The following PYY variants were observed in gnomAD, a reference collection of about 807,000 sequenced individuals.
PYY encodes peptide tyrosine tyrosine.
PYY carries 12 observed loss-of-function variants against 10.3 expected under a neutral mutation model. The observed-to-expected ratio is 1.17, with a 90% confidence interval of 0.75 to 1.89. PYY has a LOEUF of 1.89. PYY is among the 40% of genes most tolerant of loss of function. The pLI is 0.00. For missense variants in PYY, 141 were observed against 134.0 expected, an observed-to-expected ratio of 1.05 and a Z score of -0.26; for synonymous variants, 66 against 62.0, an observed-to-expected ratio of 1.06 and a Z score of -0.30.
intron 1 of PYY, among the ~76,000 whole-genome samples, chr17:43,990,941 C>A (rs969816734): frequency 2.0e-5 from 3 of 151,714 alleles, no homozygotes; most frequent in African/African-American, 7.2e-5. Flanking sequence ...ACTACAGGCG[C>A]CCGCCACCAC....
chr17:43,982,651 G>A (rs2048891114), intron 1 of PYY, among the ~76,000 whole-genome samples: 1 of 152,206 alleles, frequency 6.6e-6, no homozygotes, highest in East Asian at 1.9e-4. Context: ...GTCGTGACTG[G>A]ACAGAACCCA....
At chr17:43,986,208 G>A (rs1296716063) in intron 1 of PYY, among the ~76,000 whole-genome samples, 39 of 152,108 alleles carry the variant, frequency 2.6e-4, no homozygotes, top group Admixed American at 2.4e-3. Flanking sequence ...GCAGTGAGCC[G>A]AGATCATGCC....
At chr17:44,004,015 A>G (rs2049051372) in intron 1 of PYY, among the ~76,000 whole-genome samples, 1 of 151,988 alleles carries the variant, frequency 6.6e-6, no homozygotes, top group South Asian at 2.1e-4. Context: ...AAAAAACTCT[A>G]TTTTATTTTA....
chr17:43,972,808 C>T (rs996848098), intron 1 of PYY, among the ~76,000 whole-genome samples: 1 of 152,148 alleles, frequency 6.6e-6, no homozygotes, highest in African/African-American at 2.4e-5. Context: ...CCTCCGCCTC[C>T]TGAGTTCAAG....
intron 1 of PYY, among the ~76,000 whole-genome samples, chr17:43,992,705 C>A (rs990086240): frequency 6.6e-6 from 1 of 151,230 alleles, no homozygotes. Flanking sequence ...GAAACTCCAT[C>A]AAAAAAAATA....
chr17:43,952,862 GTCGGGAGGCAGAATCCGGGT>G lies in PYY; in HGVS notation c.*74_*93del. The G allele has an allele frequency of 1.4e-6, 2 of 1,381,792 alleles. No individual in the cohort carries two copies. The highest frequency in any genetic ancestry group is 1.9e-6 in the Non-Finnish European group (2 of 1,030,888). 85.6% of individuals were successfully genotyped at this position (1,381,792 alleles called of 1,614,324 possible). A position where few individuals can be genotyped will look rare whatever the true frequency, so the allele number is the denominator to read the frequency against. Reference sequence around the variant, plus strand: ...ACCCGAACCCTGCCCAGACGCCGCCGTCGGGAGGCAGAATCCGGGTTTCTGGGGTCGGGAGTGCGTATGCA... The same window carrying G: ...ACCCGAACCCTGCCCAGACGCCGCCGTTCTGGGGTCGGGAGTGCGTATGCA... On this transcript the variant is annotated 3_prime_UTR_variant, in exon 4 of 4. Coordinates refer to ENST00000692052, the MANE Select transcript of PYY (RefSeq NM_001394028.1).
At chr17:43,954,342 C>T (rs902016563), upstream of PYY, among the ~76,000 whole-genome samples, 3 of 152,276 alleles carry the variant, frequency 2.0e-5, no homozygotes, top group South Asian at 4.1e-4. Context: ...CCCTCCAGTC[C>T]GTGGGATGTG....
chr17:43,970,117 C>T (rs1333012884), intron 1 of PYY, among the ~76,000 whole-genome samples: 1 of 147,328 alleles, frequency 6.8e-6, no homozygotes, highest in Non-Finnish European at 1.5e-5. Context: ...GGGGGAATCG[C>T]TTAAACCCAG....
chr17:43,995,829 GA>G (rs573860516), intron 1 of PYY, among the ~76,000 whole-genome samples: 194 of 97,800 alleles, frequency 2.0e-3, no homozygotes, highest in Middle Eastern at 7.7e-3. Context: ...CCATCTCAAT[GA>G]AAAAAAAAAA....
intron 2 of PYY, among the ~76,000 whole-genome samples, chr17:43,963,557 G>GAAAAGA (rs2143904359): frequency 1.7e-5 from 2 of 119,078 alleles, no homozygotes; most frequent in South Asian, 5.9e-4. Flanking sequence ...GGGAAGGAAG[G>GAAAAGA]AAGGAAGGAA....
intron 1 of PYY, among the ~76,000 whole-genome samples, chr17:43,982,298 G>A (rs1012662041): frequency 1.3e-5 from 2 of 152,252 alleles, no homozygotes; most frequent in African/African-American, 4.8e-5. Flanking sequence ...GAAGTCTGGA[G>A]TGAGGCTAGG....
At chr17:43,962,387 T>G (rs1413181639) in intron 2 of PYY, among the ~76,000 whole-genome samples, 2 of 152,198 alleles carry the variant, frequency 1.3e-5, no homozygotes, top group South Asian at 4.1e-4. Flanking sequence ...ATTTGATATA[T>G]GTATACATTG....
At chr17:43,964,731 A>G (rs975932752) in intron 2 of PYY, among the ~76,000 whole-genome samples, 3 of 152,104 alleles carry the variant, frequency 2.0e-5, no homozygotes, top group Non-Finnish European at 4.4e-5. Flanking sequence ...TGAACCCGGG[A>G]GGCGGAGTTT....
intron 1 of PYY, among the ~76,000 whole-genome samples, chr17:43,977,584 C>A (rs752855363): frequency 6.6e-6 from 1 of 152,110 alleles, no homozygotes; most frequent in East Asian, 1.9e-4. Context: ...CTGCTCCATG[C>A]CCCTTTGTCC....
At chr17:43,964,752 G>A (rs913517953) in intron 2 of PYY, among the ~76,000 whole-genome samples, 2 of 152,110 alleles carry the variant, frequency 1.3e-5, no homozygotes, top group African/African-American at 4.8e-5. Context: ...ACGGTGGGCC[G>A]AGATTGTGCC....
At chr17:43,989,116 T>G (rs1393093570) in intron 1 of PYY, among the ~76,000 whole-genome samples, 1 of 151,790 alleles carries the variant, frequency 6.6e-6, no homozygotes, top group East Asian at 2.0e-4. Context: ...GGCTCACGCC[T>G]GTAATCCCAA....
Position 43,988,204 on chromosome 17 carries a change from C to T in PYY, c.-463+16187G>A, listed in dbSNP as rs371714988. On this transcript the variant is annotated intron_variant, in intron 1 of 6. Coordinates refer to the PYY transcript ENST00000360085. Reference sequence around the variant, plus strand: ...CTTCCACCAGGGTCTCATCCCACTGCCAATCATCAAAATAATTTCCAGGTA... The same window carrying T: ...CTTCCACCAGGGTCTCATCCCACTGTCAATCATCAAAATAATTTCCAGGTA... Among the ~76,000 whole-genome samples the T allele has an allele frequency of 7.9e-5, 12 of 152,224 alleles. 1 individual carries two copies. The highest frequency in any genetic ancestry group is 2.2e-4 in the African/African-American group (9 of 41,538).
intron 1 of PYY, among the ~76,000 whole-genome samples, chr17:43,992,695 G>A (rs555778653): frequency 8.6e-5 from 13 of 152,008 alleles, no homozygotes; most frequent in South Asian, 2.1e-4. Context: ...CAACAAGAGC[G>A]AAACTCCATC....
At chr17:44,002,609 C>T (rs1293265680) in intron 1 of PYY, among the ~76,000 whole-genome samples, 1 of 152,226 alleles carries the variant, frequency 6.6e-6, no homozygotes, top group Non-Finnish European at 1.5e-5. Context: ...GAATCATATC[C>T]TGTGAATGTT....
Sources: allele counts gnomAD v4.1 joint callset (sites outside exome capture counted in the v4.1 genomes callset), GRCh38; gene constraint gnomAD v4.1.1; transcripts MANE v1.5; gene names NCBI Gene and HGNC (gene_info 2026-07-23, HGNC 2026-07-21).